The following LYRM4 variants were observed in gnomAD, a reference collection of about 807,000 sequenced individuals.
The protein encoded by LYRM4 is LYR motif-containing protein 4.
Under a neutral mutation model 11.7 loss-of-function variants are expected in LYRM4, and 9 were observed. The ratio of observed to expected loss-of-function variants is 0.77; its 90% CI spans 0.46 to 1.34. The LOEUF (loss-of-function observed/expected upper bound fraction) is 1.34, where lower values mean the gene tolerates loss of function less well. Among genes scored for constraint, LYRM4 ranks in the 40% most tolerant of loss-of-function variants. The probability of loss-of-function intolerance (pLI) is 0.00; values close to 1 mark genes in which losing one functional copy is unlikely to be tolerated. For synonymous variants in LYRM4, 42 were observed against 40.4 expected, an observed-to-expected ratio of 1.04 and a Z score of -0.15; for missense variants, 133 against 112.5, an observed-to-expected ratio of 1.18 and a Z score of -0.82.
chr6:5,132,621 T>C (rs1044791657), intron 2 of LYRM4: 9 of 152,230 alleles, frequency 5.9e-5, no homozygotes, highest in Non-Finnish European at 1.2e-4. Flanking sequence ...TCAGCTACAG[T>C]TGTTTTCAGA....
At chr6:5,206,312 G>C (rs540853494) in intron 2 of LYRM4, among the ~76,000 whole-genome samples, 35 of 152,324 alleles carry the variant, frequency 2.3e-4, no homozygotes, top group Admixed American at 2.3e-3. Context: ...CAGCCAGTGG[G>C]GGGTGGGAGC....
At chr6:5,179,867 G>A (rs1407039579) in intron 2 of LYRM4, among the ~76,000 whole-genome samples, 2 of 152,094 alleles carry the variant, frequency 1.3e-5, no homozygotes, top group Admixed American at 1.3e-4. Context: ...ATAACATTTT[G>A]CCCCATCATG....
At chr6:5,147,396 A>C (rs1361950259) in intron 2 of LYRM4, among the ~76,000 whole-genome samples, 1 of 152,202 alleles carries the variant, frequency 6.6e-6, no homozygotes, top group Non-Finnish European at 1.5e-5. Flanking sequence ...AACGTACCTA[A>C]TTAGGCTACC....
chr6:5,116,769 TG>T (rs1763136935), intron 2 of LYRM4, among the ~76,000 whole-genome samples: 1 of 152,184 alleles, frequency 6.6e-6, no homozygotes. Flanking sequence ...TGCCAGTAGC[TG>T]GGGATGACTA....
At chr6:5,248,620 T>TC (rs1764298157) in intron 1 of LYRM4, among the ~76,000 whole-genome samples, 1 of 152,208 alleles carries the variant, frequency 6.6e-6, no homozygotes, top group African/African-American at 2.4e-5. Context: ...CTGCCTCCCT[T>TC]CCCCAGCTAG....
At chr6:5,032,167 C>T in the LYRM4 span, 2 of 152,242 alleles carry the variant, frequency 1.3e-5, no homozygotes, top group Non-Finnish European at 2.9e-5. Flanking sequence ...GAGCTTCATA[C>T]GTATTAATTA....
chr6:5,040,352 G>GATAGATAGATACATAC, the LYRM4 span, among the ~76,000 whole-genome samples: 735 of 130,154 alleles, frequency 5.6e-3, 2 homozygotes, highest in East Asian at 0.016. Context: ...TAGATAGATA[G>GATAGATAGATACATAC]ATACATACAT....
At chr6:5,072,604 G>GT in the LYRM4 span, among the ~76,000 whole-genome samples, 238 of 146,010 alleles carry the variant, frequency 1.6e-3, 1 homozygote, top group African/African-American at 5.6e-3. Context: ...TTAAGACAGA[G>GT]TTTCACTCTC....
chr6:5,132,887 CCTAT>C (rs1159339256), intron 2 of LYRM4: 5 of 152,346 alleles, frequency 3.3e-5, no homozygotes, highest in African/African-American at 1.2e-4. Flanking sequence ...GCAGCTGTGG[CCTAT>C]CAGTGCTCAT....
At chr6:5,235,790 C>T (rs977797985) in intron 1 of LYRM4, among the ~76,000 whole-genome samples, 6 of 152,112 alleles carry the variant, frequency 3.9e-5, no homozygotes, top group Non-Finnish European at 7.4e-5. Flanking sequence ...TTCTTTTACC[C>T]CTGTGTTTGA....
chr6:5,086,723 C>T, the LYRM4 span: 8 of 632,568 alleles, frequency 1.3e-5, no homozygotes, highest in African/African-American at 7.4e-5. Context: ...TCGACTCGCA[C>T]CCCCGCAGAC....
chr6:5,222,071 T>C (rs927662511), intron 1 of LYRM4, among the ~76,000 whole-genome samples: 1 of 152,220 alleles, frequency 6.6e-6, no homozygotes, highest in African/African-American at 2.4e-5. Context: ...ACTCTGGGTA[T>C]ATAACAGAGT....
chr6:5,118,841 T>C (rs9502273), intron 2 of LYRM4, among the ~76,000 whole-genome samples: 5,188 of 152,316 alleles, frequency 0.034, 112 homozygotes, highest in Middle Eastern at 0.085. Context: ...CCTCTAAAAA[T>C]AGCCCTCAGT....
At position 5,211,129 on chromosome 6, in the gene LYRM4, T is replaced by C. The variant is rs1267947477; in HGVS notation, c.207+5489A>G. On this transcript the variant is annotated intron_variant, in intron 2 of 2. Coordinates refer to ENST00000330636, the MANE Select transcript of LYRM4 (RefSeq NM_020408.6). ...GAGAGATATGGGGTGCACTATCTGTTTTCCTGCAAAGGACCTCAAACATAC... is the reference window on the plus strand; with the variant it reads ...GAGAGATATGGGGTGCACTATCTGTCTTCCTGCAAAGGACCTCAAACATAC... Among the ~76,000 whole-genome samples, 3 of 152,160 alleles carry C rather than the reference T, an allele frequency of 2.0e-5. No individual in the cohort carries two copies. The East Asian group carries it at 5.8e-4, about 29-fold the overall frequency.
intron 2 of LYRM4, among the ~76,000 whole-genome samples, chr6:5,200,769 C>T (rs1454747579): frequency 1.3e-5 from 2 of 152,196 alleles, no homozygotes; most frequent in African/African-American, 2.4e-5. Flanking sequence ...ATACTGATGC[C>T]TGACTCCCAC....
chr6:5,198,194 G>A (rs1037234306), intron 2 of LYRM4, among the ~76,000 whole-genome samples: 13 of 152,018 alleles, frequency 8.6e-5, no homozygotes, highest in African/African-American at 2.9e-4. Flanking sequence ...GTGAGACTCC[G>A]TCTCAAAGAA....
rs534323397 is a variant in LYRM4, at chr6:5,239,605, A to G, written c.86+21043T>C. Reference sequence around the variant, plus strand: ...GTCCCGCACGCTAGGGAAGGAAGAAAGAAGCTGGAGACTGGTTAATTGGGC... The same window carrying G: ...GTCCCGCACGCTAGGGAAGGAAGAAGGAAGCTGGAGACTGGTTAATTGGGC... On this transcript the variant is annotated intron_variant, in intron 1 of 2. Transcript: ENST00000330636. Among the ~76,000 whole-genome samples the G allele has an allele frequency of 2.0e-5, 3 of 152,228 alleles. No homozygotes were observed. In the South Asian group the frequency reaches 6.2e-4, roughly 32 times the overall value.
intron 2 of LYRM4, among the ~76,000 whole-genome samples, chr6:5,215,644 T>C (rs936024502): frequency 6.6e-6 from 1 of 152,232 alleles, no homozygotes; most frequent in Non-Finnish European, 1.5e-5. Flanking sequence ...GCTTCTTTTT[T>C]GAATTCTTTT....
At chr6:5,159,632 C>T (rs542469252) in intron 2 of LYRM4, among the ~76,000 whole-genome samples, 2 of 152,222 alleles carry the variant, frequency 1.3e-5, no homozygotes, top group Non-Finnish European at 2.9e-5. Flanking sequence ...TAGCCTCCCA[C>T]TGGGCGAGCA....
Sources: gnomAD v4.1 joint callset for allele counts (sites outside exome capture counted in the v4.1 genomes callset) on GRCh38, gnomAD v4.1.1 for gene constraint, MANE v1.5 for transcripts, NCBI Gene and HGNC (gene_info 2026-07-23, HGNC 2026-07-21) for gene names.